CYP17A1: variants seen among roughly 807,000 people sequenced by gnomAD.
The protein encoded by CYP17A1 is cytochrome P450 family 17 subfamily A member 1.
CYP17A1 carries 27 observed loss-of-function variants against 38.5 expected under a neutral mutation model. The ratio of observed to expected loss-of-function variants is 0.70; its 90% CI spans 0.52 to 0.97. The LOEUF (loss-of-function observed/expected upper bound fraction) is 0.97. Ranked by LOEUF, CYP17A1 falls within the 50% of genes least tolerant of loss-of-function variation. CYP17A1 has a pLI of 0.00. For synonymous variants in CYP17A1, 263 were observed against 253.3 expected (o/e 1.04, Z -0.36); for missense variants, 549 against 645.9 (o/e 0.85, Z 1.63).
chr10:102,835,170 C>T, intron 2 of CYP17A1, 84 bp downstream of exon 2: 1 of 1,325,800 alleles, frequency 7.5e-7, no homozygotes, highest in Non-Finnish European at 1.1e-6. Context: ...CTAGTCCTAA[C>T]CCTTACCCCT....
In CYP17A1 at chr10:102,835,177, C is replaced by T. The variant is rs1590204048; in HGVS notation, c.436+77G>A. 5 of 1,371,554 alleles carry T rather than the reference C, an allele frequency of 3.6e-6. No individual in the cohort carries two copies. The highest frequency in any genetic ancestry group is 5.2e-6 in the Non-Finnish European group (5 of 963,700). 85.0% of individuals were successfully genotyped at this position (1,371,554 alleles called of 1,614,324 possible). On this transcript the variant is annotated intron_variant, in intron 2 of 7. Transcript: ENST00000369887. ...ATTGCGCTCTAGTCCTAACCCTTAC[C>T]CCTGCCCAACCCTCCTCTCCCTCCA... is the stretch of plus-strand genomic sequence containing the variant.
At chr10:102,831,807 G>A (rs924383584) in intron 6 of CYP17A1, 196 bp from the exon 7 acceptor site, 7 of 968,508 alleles carry the variant, frequency 7.2e-6, no homozygotes, top group Middle Eastern at 3.1e-4. Context: ...CCTAACAGGC[G>A]CTTCTGTCTG....
chr10:102,837,111 T>C lies in CYP17A1; in HGVS notation c.251A>G (p.Glu84Gly). 1 of 1,608,322 alleles carries C rather than the reference T, an allele frequency of 6.2e-7. No individual in the cohort carries two copies. The highest frequency in any genetic ancestry group is 2.2e-5 in the East Asian group (1 of 44,856). ...VIVGHHQLAK[E>G]VLIKKGKDFS... ...GTCCTTGCCCTTCTTAATAAGCACC[T>C]CCTTGGCCAGCTGGTGGTGGCCGAC... Residue 84 changes from glutamate to glycine, a missense_variant, in exon 1 of 8, where the codon GAG becomes GGG. Around this residue, in one of 3 missense-constraint regions of CYP17A1, gnomAD observed 289 missense variants for 320.9 expected, o/e 0.90. Coordinates refer to ENST00000369887, the MANE Select transcript of CYP17A1 (RefSeq NM_000102.4).
chr10:102,832,612 G>T lies in CYP17A1; in HGVS notation c.1038C>A (p.Asp346Glu). ...VGFSRTPTIS[D>E]RNRLLLLEAT... ...CCTCCAGCAGGAGGAGACGGTTACG[G>T]TCACTGATAGTTGGTGTGCGGCTGA... The change falls in exon 6 of 8, where the codon GAC (aspartate) becomes GAA (glutamate). Residue 346 changes from aspartate (D) to glutamate (E), a missense_variant. By Grantham distance (45) the Asp-to-Glu change is conservative. This residue lies in a region of CYP17A1 where 257 missense variants were observed against 307.9 expected (regional missense o/e 0.83). Coordinates refer to ENST00000369887, the MANE Select transcript of CYP17A1 (RefSeq NM_000102.4). 1 of 1,604,332 alleles carries T rather than the reference G, an allele frequency of 6.2e-7. No individual in the cohort carries two copies. The highest frequency in any genetic ancestry group is 8.5e-7 in the Non-Finnish European group (1 of 1,170,966).
chr10:102,832,435 T>G (rs1590203000), intron 6 of CYP17A1, 76 bp downstream of exon 6: 2 of 958,324 alleles, frequency 2.1e-6, no homozygotes. Flanking sequence ...GGGCCGGGGG[T>G]AGGGGGAGCC....
chr10:102,835,213 TG>T, intron 2 of CYP17A1, 40 bp downstream of exon 2: 1 of 1,579,920 alleles, frequency 6.3e-7, no homozygotes, highest in Middle Eastern at 1.7e-4. Flanking sequence ...GCAGCTCCTG[TG>T]GGATCCAGCC....
At chr10:102,836,938 C>T (rs921483642) in intron 1 of CYP17A1, 127 bp downstream of exon 1, 3 of 763,750 alleles carry the variant, frequency 3.9e-6, no homozygotes, top group Non-Finnish European at 7.2e-6. Flanking sequence ...TCACATCATC[C>T]CACTAGTCTA....
intron 5 of CYP17A1, 114 bp downstream of exon 5, chr10:102,832,879 G>C: frequency 1.3e-6 from 2 of 1,533,968 alleles, no homozygotes; most frequent in Non-Finnish European, 1.8e-6. Context: ...TGGGTAAGGA[G>C]CAGGGCAGGC....
chr10:102,831,544 C>T lies in CYP17A1; in HGVS notation c.1207G>A (p.Glu403Lys). The T allele has an allele frequency of 6.2e-7, 1 of 1,614,026 alleles. No homozygotes were observed. The highest frequency in any genetic ancestry group is 1.1e-5 in the South Asian group (1 of 91,080). The change falls in exon 7 of 8, where the codon GAG becomes AAG. Residue 403 changes from glutamate (E) to lysine (K), a missense_variant. Physicochemically the swap from Glu to Lys is moderately conservative, Grantham distance 56 (BLOSUM62 1). Coordinates refer to ENST00000369887, the MANE Select transcript of CYP17A1 (RefSeq NM_000102.4). ...TGATCCGGCTGGTGCCACTCCTTCT[C>T]ATTGTGATGCAGCGCCCACAGATTG... is the stretch of plus-strand genomic sequence containing the variant. ...IINLWALHHN[E>K]KEWHQPDQFM... is the part of the protein sequence containing the mutation.
Position 102,832,611 on chromosome 10 carries a change from G to A in CYP17A1, c.1039C>T (p.Arg347Cys), listed in dbSNP as rs104894149. Residue 347 changes from arginine to cysteine, a missense_variant, in exon 6 of 8, where the codon CGT (arginine) becomes TGT (cysteine). Physicochemically the swap from Arg to Cys is radical, Grantham distance 180. This residue lies in a region of CYP17A1 where 257 missense variants were observed against 307.9 expected (regional missense o/e 0.83). Transcript: ENST00000369887. ...GFSRTPTISDRNRLLLLEATI... is the reference protein window; with the variant it reads ...GFSRTPTISDCNRLLLLEATI... ...GCCTCCAGCAGGAGGAGACGGTTAC[G>A]GTCACTGATAGTTGGTGTGCGGCTG... The A allele has an allele frequency of 5.0e-6, 8 of 1,604,420 alleles. No individual in the cohort carries two copies. Among genetic ancestry groups the A allele is most frequent in the East Asian group, 2.2e-5 (1 of 44,848 alleles).
chr10:102,832,632 GGCT>G lies in CYP17A1; in HGVS notation c.1015_1017del (p.Ser339del), dbSNP rs1405643082. 1 of 1,606,808 alleles carries G rather than the reference GGCT, an allele frequency of 6.2e-7. No individual in the cohort carries two copies. The highest frequency in any genetic ancestry group is 1.1e-5 in the South Asian group (1 of 90,968). On this transcript the variant is annotated inframe_deletion, in exon 6 of 8. Coordinates refer to ENST00000369887, the MANE Select transcript of CYP17A1 (RefSeq NM_000102.4). ...TTACGGTCACTGATAGTTGGTGTGC[GGCT>G]GAAACCCACATTCTGGTCAATCTCC...
rs1195944080 is a variant in CYP17A1 at position 102,833,475 on chromosome 10, G to T, written c.754-267C>A. ...TTGAGTCAGTTTTTTTTTTTTTTTT[G>T]AGACAGAATCTTGGTGCAATGCCCA... On this transcript the variant is annotated intron_variant, in intron 4 of 7. Transcript: ENST00000369887. 1,546 of 391,218 alleles carry T rather than the reference G, an allele frequency of 4.0e-3. 23 individuals carry two copies. Among genetic ancestry groups the T allele is most frequent in the East Asian group, 7.6e-3 (131 of 17,130 alleles). The allele number at this position is 391,218 out of a possible 1,614,324, so 24.2% of individuals were successfully genotyped here.
intron 1 of CYP17A1, among the ~76,000 whole-genome samples, chr10:102,835,965 C>T (rs574753408): frequency 1.4e-4 from 22 of 152,314 alleles, no homozygotes; most frequent in African/African-American, 5.3e-4. Flanking sequence ...GCCGAGCCGC[C>T]TCCTCCTAGA....
At chr10:102,831,823 C>T (rs1844094094) in intron 6 of CYP17A1, 2 of 818,542 alleles carry the variant, frequency 2.4e-6, no homozygotes, top group African/African-American at 1.7e-5. Flanking sequence ...GTCTGAACAC[C>T]TGTGTCTGTG....
In CYP17A1 at chr10:102,831,558, G is replaced by A. The variant is rs1315561755; in HGVS notation, c.1193C>T (p.Ala398Val). 4 of 1,613,922 alleles carry A rather than the reference G, an allele frequency of 2.5e-6. No individual in the cohort carries two copies. In the Admixed American group the frequency reaches 5.0e-5, roughly 20 times the overall value. The change falls in exon 7 of 8, where the codon GCG (alanine) becomes GTG (valine). Residue 398 changes from alanine to valine, a missense_variant. By Grantham distance (64) the Ala-to-Val change is moderately conservative (BLOSUM62 0). Around this residue, in one of 3 missense-constraint regions of CYP17A1, gnomAD observed 257 missense variants for 307.9 expected, o/e 0.83. Coordinates refer to ENST00000369887, the MANE Select transcript of CYP17A1 (RefSeq NM_000102.4). Reference protein sequence around the residue: ...KGTEVIINLWALHHNEKEWHQ... With the variant: ...KGTEVIINLWVLHHNEKEWHQ... ...CCACTCCTTCTCATTGTGATGCAGC[G>A]CCCACAGATTGATGATAACTTCTGT...
At chr10:102,836,080 C>A (rs1844158034) in intron 1 of CYP17A1, among the ~76,000 whole-genome samples, 1 of 152,132 alleles carries the variant, frequency 6.6e-6, no homozygotes, top group Admixed American at 6.5e-5. Context: ...CGGGAGGAAG[C>A]CAGCAGAGGT....
At chr10:102,832,122 G>A (rs1844098004) in intron 6 of CYP17A1, among the ~76,000 whole-genome samples, 1 of 152,066 alleles carries the variant, frequency 6.6e-6, no homozygotes, top group Non-Finnish European at 1.5e-5. Context: ...CACCCAGGCT[G>A]GAGTGCAGTG....
At chr10:102,831,798 C>T (rs1160723908) in intron 6 of CYP17A1, 187 bp from the exon 7 acceptor site, 1 of 1,045,594 alleles carries the variant, frequency 9.6e-7, no homozygotes, top group Non-Finnish European at 1.4e-6. Flanking sequence ...CCCTTCCCTC[C>T]TAACAGGCGC....
At chr10:102,835,513 A>G in intron 1 of CYP17A1, 121 bp from the exon 2 acceptor site, 2 of 849,374 alleles carry the variant, frequency 2.4e-6, no homozygotes, top group Non-Finnish European at 4.1e-6. Context: ...GCTGACTCCC[A>G]TGTGGGCACA....
Sources: gnomAD v4.1 joint callset for allele counts (sites outside exome capture counted in the v4.1 genomes callset) on GRCh38, gnomAD v4.1.1 for gene constraint, gnomAD v4.1.1 regional missense constraint, MANE v1.5 for transcripts, NCBI Gene and HGNC (gene_info 2026-07-23, HGNC 2026-07-21) for gene names.